SUN1: variants seen among roughly 807,000 people sequenced by gnomAD.
SUN1 encodes SUN domain-containing protein 1.
Under a neutral mutation model 103.2 loss-of-function variants are expected in SUN1, and 61 were observed. The observed-to-expected ratio is 0.59, with a 90% CI of 0.48 to 0.73. The LOEUF is 0.73. Among genes scored for constraint, SUN1 ranks in the 30% least tolerant of loss-of-function variants. The pLI is 0.00. For synonymous variants in SUN1, 490 were observed against 425.7 expected (o/e 1.15, Z -1.86); for missense variants, 1,052 against 1,034.6 (o/e 1.02, Z -0.23).
chr7:837,978 A>C (rs1246497107), intron 1 of SUN1, among the ~76,000 whole-genome samples: 1 of 152,184 alleles, frequency 6.6e-6, no homozygotes, highest in Non-Finnish European at 1.5e-5. Context: ...TCTTGTCCCC[A>C]CCTCAGCCTC....
At chr7:819,976 T>C (rs759689537) in intron 1 of SUN1, among the ~76,000 whole-genome samples, 1 of 152,142 alleles carries the variant, frequency 6.6e-6, no homozygotes, top group Non-Finnish European at 1.5e-5. Context: ...AGTGCCATAC[T>C]ATTTTGTAGT....
intron 6 of SUN1, 80 bp from the exon 7 acceptor site, chr7:851,870 G>A: frequency 7.0e-7 from 1 of 1,431,746 alleles, no homozygotes; most frequent in East Asian, 2.3e-5. Context: ...TTCTAGCTTG[G>A]CCTTCACAGA....
intron 2 of SUN1, among the ~76,000 whole-genome samples, chr7:840,548 G>A (rs369647152): frequency 2.0e-5 from 3 of 152,104 alleles, no homozygotes; most frequent in South Asian, 4.1e-4. Flanking sequence ...ACCTGACGGT[G>A]GTAACATTCA....
At chr7:845,115 G>A (rs377554067) in intron 5 of SUN1, among the ~76,000 whole-genome samples, 4 of 152,178 alleles carry the variant, frequency 2.6e-5, no homozygotes, top group African/African-American at 9.7e-5. Context: ...CCACCGAAAC[G>A]TGCTGTTTTC....
chr7:860,375 CAG>C lies in SUN1; in HGVS notation c.1775_1776del (p.Glu592GlyfsTer18), dbSNP rs1562776172. ...AGCGAGGCGGGGGCGTCTGGAATAA[CAG>C]AGGCGGTGAGTCGGCGAGTCGGCGG... On this transcript the variant is annotated frameshift_variant, in exon 14 of 19. Coordinates refer to ENST00000401592, the MANE Select transcript of SUN1 (RefSeq NM_001130965.3). LOFTEE classifies it high-confidence loss of function. 1 of 1,612,402 alleles carries C rather than the reference CAG, an allele frequency of 6.2e-7. No homozygotes were observed. Among genetic ancestry groups the C allele is most frequent in the Non-Finnish European group, 8.5e-7 (1 of 1,178,762 alleles).
chr7:843,037 A>G, intron 3 of SUN1, 169 bp from the exon 4 acceptor site: 1 of 905,840 alleles, frequency 1.1e-6, no homozygotes, highest in Non-Finnish European at 1.7e-6. Flanking sequence ...CAGTCAGAAG[A>G]TGGTATCTGC....
At position 821,670 on chromosome 7, in the gene SUN1, G is replaced by C. The variant is rs1285151378; in HGVS notation, c.-74+4997G>C. Among the ~76,000 whole-genome samples the C allele has an allele frequency of 2.0e-5, 3 of 152,140 alleles. No homozygotes were observed. The East Asian group carries it at 5.8e-4, about 29-fold the overall frequency. On this transcript the variant is annotated intron_variant, in intron 1 of 17. Coordinates refer to the SUN1 transcript ENST00000389574. ...TGGGAGAAGTAGTGATGGGATGAAA[G>C]CATCCTTCAGCGTTCAACCCTTGCC...
chr7:851,228 C>G (rs184481516), intron 5 of SUN1, 156 bp from the exon 6 acceptor site: 19 of 561,004 alleles, frequency 3.4e-5, no homozygotes, highest in Admixed American at 6.0e-5. Flanking sequence ...CCAGCACTTA[C>G]AAGAGTTATT....
rs551547626 is a variant in SUN1, at chr7:864,554, CAAAAAAA to C, written c.1865-1385_1865-1379del. Among the ~76,000 whole-genome samples, 148 of 95,204 alleles carry C rather than the reference CAAAAAAA, an allele frequency of 1.6e-3. 1 individual carries two copies. The highest frequency in any genetic ancestry group is 5.3e-3 in the African/African-American group (142 of 27,004). 62.5% of individuals were successfully genotyped at this position (95,204 alleles called of 152,430 possible). On this transcript the variant is annotated intron_variant, in intron 15 of 18. Coordinates refer to ENST00000401592, the MANE Select transcript of SUN1 (RefSeq NM_001130965.3). ...GGGCAACAAGAGCAAAACTTTATCT[CAAAAAAA>C]AAAAAAAAAAAAGCACAATGAAGTT...
chr7:870,872 CTTTTT>C (rs904296515), intron 17 of SUN1, among the ~76,000 whole-genome samples: 1 of 144,788 alleles, frequency 6.9e-6, no homozygotes, highest in Non-Finnish European at 1.5e-5. Context: ...CTAGCATTTT[CTTTTT>C]ATTTTCTTTC....
At chr7:841,343 A>G (rs928495488) in intron 2 of SUN1, among the ~76,000 whole-genome samples, 4 of 144,834 alleles carry the variant, frequency 2.8e-5, no homozygotes, top group African/African-American at 1.0e-4. Context: ...TCCCAGGTTC[A>G]CTCCATTCTC....
Position 832,551 on chromosome 7 carries a change from C to A in SUN1, c.27C>A (p.Tyr9Ter). The A allele has an allele frequency of 6.2e-7, 1 of 1,613,298 alleles. No homozygotes were observed. The highest frequency in any genetic ancestry group is 8.5e-7 in the Non-Finnish European group (1 of 1,179,620). Residue 9 changes from tyrosine (Y) to a stop codon, truncating the protein, a stop_gained, in exon 1 of 19, where the codon TAC (tyrosine) becomes TAA (stop). Coordinates refer to ENST00000401592, the MANE Select transcript of SUN1 (RefSeq NM_001130965.3). LOFTEE classifies it high-confidence loss of function. ...TGGATTTTTCTCGGCTTCACATGTA[C>A]AGTCCTCCCCAGTGTGTGCCGGAGA... MDFSRLHM[Y>*]SPPQCVPENT... is the part of the protein sequence containing the mutation.
intron 11 of SUN1, among the ~76,000 whole-genome samples, chr7:855,959 GC>G (rs1826873843): frequency 6.6e-6 from 1 of 152,236 alleles, no homozygotes; most frequent in Admixed American, 6.5e-5. Context: ...GAGACTTGGG[GC>G]TGACGCTGGT....
At position 848,868 on chromosome 7, in the gene SUN1, AAGTT is replaced by A. The variant is rs1819116085; in HGVS notation, c.659-2514_659-2511del. ...TCTTTAAAGTTATTTCTTAAACAAAAAGTTAATGTGCTCAACTTTTGATTTTTAT... is the reference window on the plus strand; with the variant it reads ...TCTTTAAAGTTATTTCTTAAACAAAAAATGTGCTCAACTTTTGATTTTTAT... On this transcript the variant is annotated intron_variant, in intron 5 of 18. Coordinates refer to ENST00000401592, the MANE Select transcript of SUN1 (RefSeq NM_001130965.3). Among the ~76,000 whole-genome samples the A allele has an allele frequency of 2.6e-5, 4 of 152,334 alleles. No individual in the cohort carries two copies. The South Asian group carries it at 6.2e-4, about 24-fold the overall frequency.
At position 842,270 on chromosome 7, in the gene SUN1, G is replaced by A. The variant is rs147770108; in HGVS notation, c.451+140G>A. On this transcript the variant is annotated intron_variant, in intron 3 of 18. Coordinates refer to ENST00000401592, the MANE Select transcript of SUN1 (RefSeq NM_001130965.3). ...AGAGGGAGGCTGTGGCCACATTGTG[G>A]GTTTGCTGCGTGACTGGCTGGTAGG... 3,217 of 898,480 alleles carry A rather than the reference G, an allele frequency of 3.6e-3. 9 individuals are homozygous for A. The highest frequency in any genetic ancestry group is 4.9e-3 in the Non-Finnish European group (2,938 of 603,468). 55.7% of individuals were successfully genotyped at this position (898,480 alleles called of 1,614,324 possible). A position where few individuals can be genotyped will look rare whatever the true frequency, so the allele number is the denominator to read the frequency against.
intron 15 of SUN1, among the ~76,000 whole-genome samples, chr7:862,780 G>T (rs1341721510): frequency 6.6e-6 from 1 of 152,186 alleles, no homozygotes; most frequent in African/African-American, 2.4e-5. Flanking sequence ...TTGTGAGTTA[G>T]TTAAAAAGAT....
chr7:867,013 G>T lies in SUN1; in HGVS notation c.1980+946G>T, dbSNP rs77258981. Among the ~76,000 whole-genome samples the T allele has an allele frequency of 6.5e-3, 990 of 152,274 alleles. 34 individuals are homozygous for T. In the East Asian group the frequency reaches 0.11, roughly 17 times the overall value. Reference sequence around the variant, plus strand: ...AAAATCCAATAATTACTTGTATGTGGAACAACGCCAAGACGGCTTTCACTA... The same window carrying T: ...AAAATCCAATAATTACTTGTATGTGTAACAACGCCAAGACGGCTTTCACTA... On this transcript the variant is annotated intron_variant, in intron 16 of 18. Transcript: ENST00000401592.
intron 1 of SUN1, among the ~76,000 whole-genome samples, chr7:823,689 G>A (rs1243083084): frequency 6.6e-6 from 1 of 152,186 alleles, no homozygotes; most frequent in Non-Finnish European, 1.5e-5. Context: ...GGTCATTCAG[G>A]TGGTTTTCTC....
chr7:842,233 A>G, intron 3 of SUN1, 103 bp downstream of exon 3: 1 of 1,291,700 alleles, frequency 7.7e-7, no homozygotes, highest in African/African-American at 1.5e-5. Flanking sequence ...GTTTGCATGG[A>G]TTATGCTAGG....
Sources: allele counts gnomAD v4.1 joint callset (sites outside exome capture counted in the v4.1 genomes callset), GRCh38; gene constraint gnomAD v4.1.1; transcripts MANE v1.5; gene names NCBI Gene and HGNC (gene_info 2026-07-23, HGNC 2026-07-21).